The following DCC variants were observed in gnomAD, a reference collection of about 807,000 sequenced individuals.
DCC encodes the protein DCC netrin 1 receptor.
In DCC, 58 loss-of-function variants were observed where a neutral mutation model predicts 172.5. The ratio of observed to expected loss-of-function variants is 0.34; its 90% CI spans 0.27 to 0.42. DCC has a LOEUF of 0.42. Ranked by LOEUF, DCC falls within the 10% of genes least tolerant of loss-of-function variation. The pLI, the probability that DCC is intolerant of heterozygous loss-of-function variation, is 1.00. For synonymous variants in DCC, 709 were observed against 644.5 expected (o/e 1.10, Z -1.52); for missense variants, 1,740 against 1,791.0 (o/e 0.97, Z 0.51).
intron 7 of DCC, among the ~76,000 whole-genome samples, chr18:53,072,143 A>G (rs900284370): frequency 1.3e-5 from 2 of 152,166 alleles, no homozygotes; most frequent in African/African-American, 4.8e-5. Context: ...AGAAAAAAAA[A>G]GAGTCAATGT....
intron 1 of DCC, among the ~76,000 whole-genome samples, chr18:52,716,408 T>G (rs968367802): frequency 4.6e-5 from 7 of 152,144 alleles, no homozygotes; most frequent in African/African-American, 1.7e-4. Context: ...TTGACTTCAC[T>G]GGTGGGCAGG....
chr18:52,514,482 A>T (rs1024273906), intron 1 of DCC, among the ~76,000 whole-genome samples: 4 of 152,246 alleles, frequency 2.6e-5, no homozygotes, highest in African/African-American at 9.6e-5. Flanking sequence ...GTCTCCAGAC[A>T]TTACCAAATA....
intron 1 of DCC, among the ~76,000 whole-genome samples, chr18:52,706,287 A>G (rs1171476663): frequency 6.6e-6 from 1 of 152,256 alleles, no homozygotes; most frequent in Non-Finnish European, 1.5e-5. Context: ...CAGTCCCTAT[A>G]GCACTTAGAT....
chr18:52,750,887 T>G (rs1292721873), intron 1 of DCC, among the ~76,000 whole-genome samples: 1 of 152,134 alleles, frequency 6.6e-6, no homozygotes, highest in African/African-American at 2.4e-5. Context: ...GAAGTCAAGG[T>G]TGCTATCGTG....
At chr18:52,934,619 G>T (rs2040355451) in intron 5 of DCC, among the ~76,000 whole-genome samples, 1 of 152,106 alleles carries the variant, frequency 6.6e-6, no homozygotes, top group South Asian at 2.1e-4. Context: ...CACTGCAATG[G>T]ACAGAATTAT....
At chr18:53,492,682 A>G (rs1323955128) in intron 26 of DCC, among the ~76,000 whole-genome samples, 1 of 152,180 alleles carries the variant, frequency 6.6e-6, no homozygotes, top group Non-Finnish European at 1.5e-5. Context: ...TTTTGGTACC[A>G]GTACCATGCT....
chr18:53,066,207 A>G (rs759353753), intron 7 of DCC, 41 bp downstream of exon 7: 3 of 1,595,234 alleles, frequency 1.9e-6, no homozygotes, highest in Non-Finnish European at 2.6e-6. Flanking sequence ...TGGAATGAAA[A>G]TTATTCATAG....
intron 1 of DCC, among the ~76,000 whole-genome samples, chr18:52,415,978 T>C (rs987788683): frequency 6.6e-6 from 1 of 152,144 alleles, no homozygotes; most frequent in African/African-American, 2.4e-5. Flanking sequence ...GTGTCAATTT[T>C]GGATCTTTCC....
chr18:53,038,162 T>C (rs1398653508), intron 5 of DCC, among the ~76,000 whole-genome samples: 2 of 151,942 alleles, frequency 1.3e-5, no homozygotes, highest in Non-Finnish European at 2.9e-5. Context: ...TAAGCTAGGT[T>C]CCAGAGATAA....
intron 1 of DCC, among the ~76,000 whole-genome samples, chr18:52,557,890 C>A (rs555656662): frequency 1.3e-5 from 2 of 152,176 alleles, no homozygotes; most frequent in African/African-American, 4.8e-5. Context: ...GAACTCCTGG[C>A]CTCAAGTGAT....
chr18:53,007,644 AATAT>A (rs778803962), intron 5 of DCC, among the ~76,000 whole-genome samples: 7 of 152,252 alleles, frequency 4.6e-5, no homozygotes, highest in Admixed American at 1.3e-4. Flanking sequence ...CATATAAAAT[AATAT>A]ATAATTACAC....
chr18:52,975,129 A>G (rs1232132762), intron 5 of DCC, among the ~76,000 whole-genome samples: 2 of 152,186 alleles, frequency 1.3e-5, no homozygotes, highest in Non-Finnish European at 2.9e-5. Context: ...GTCTACCACA[A>G]TAGAACATCA....
chr18:52,977,645 G>A (rs958423266), intron 5 of DCC, among the ~76,000 whole-genome samples: 4 of 152,064 alleles, frequency 2.6e-5, no homozygotes, highest in Non-Finnish European at 5.9e-5. Context: ...CAGCACTTTG[G>A]GAGGCCGAGG....
chr18:53,434,567 G>A (rs1352193951), intron 21 of DCC, among the ~76,000 whole-genome samples: 1 of 152,060 alleles, frequency 6.6e-6, no homozygotes, highest in African/African-American at 2.4e-5. Context: ...TCCCTTTATG[G>A]TGTATTTGTA....
chr18:52,693,221 G>T (rs1480987557), intron 1 of DCC, among the ~76,000 whole-genome samples: 1 of 151,416 alleles, frequency 6.6e-6, no homozygotes, highest in African/African-American at 2.4e-5. Context: ...AAATAATTGT[G>T]CATGTGTGTA....
intron 5 of DCC, among the ~76,000 whole-genome samples, chr18:53,040,737 T>A (rs1413178032): frequency 6.6e-6 from 1 of 151,866 alleles, no homozygotes; most frequent in East Asian, 1.9e-4. Context: ...AGCTTTGGGA[T>A]CTGGCAAACT....
At chr18:52,346,534 A>G (rs1180091188) in intron 1 of DCC, among the ~76,000 whole-genome samples, 1 of 152,200 alleles carries the variant, frequency 6.6e-6, no homozygotes, top group Admixed American at 6.5e-5. Context: ...GTTTAGAAAT[A>G]CCTGAGCTTT....
intron 5 of DCC, among the ~76,000 whole-genome samples, chr18:52,957,753 C>T (rs1555687571): frequency 6.6e-6 from 1 of 152,016 alleles, no homozygotes; most frequent in Non-Finnish European, 1.5e-5. Flanking sequence ...TAGAGAGTAC[C>T]TTGTGCTCCA....
chr18:53,390,204 A>G (rs1908449554), intron 16 of DCC, among the ~76,000 whole-genome samples: 1 of 152,178 alleles, frequency 6.6e-6, no homozygotes. Context: ...TAAAATACAG[A>G]AAGCCTGGGC....
Sources: gnomAD v4.1 joint callset for allele counts (sites outside exome capture counted in the v4.1 genomes callset) on GRCh38, gnomAD v4.1.1 for gene constraint, MANE v1.5 for transcripts, NCBI Gene and HGNC (gene_info 2026-07-23, HGNC 2026-07-21) for gene names.